NUP153: variants seen among roughly 807,000 people sequenced by gnomAD.
The protein encoded by NUP153 is nuclear pore complex protein Nup153.
In NUP153, 27 loss-of-function variants were observed where a neutral mutation model predicts 134.6. The ratio of observed to expected loss-of-function variants is 0.20; its 90% CI spans 0.15 to 0.28. NUP153 has a LOEUF of 0.28. Ranked by LOEUF, NUP153 falls within the 10% of genes least tolerant of loss-of-function variation. The pLI is 1.00. For missense variants in NUP153, 1,821 were observed against 1,731.3 expected, an observed-to-expected ratio of 1.05 and a Z score of -0.92; for synonymous variants, 640 against 623.5, an observed-to-expected ratio of 1.03 and a Z score of -0.40.
Position 17,675,840 on chromosome 6 carries a change from T to C in NUP153, c.335-70A>G, listed in dbSNP as rs766607341. The C allele has an allele frequency of 1.4e-6, 2 of 1,460,912 alleles. No homozygotes were observed. Among genetic ancestry groups the C allele is most frequent in the Non-Finnish European group, 1.9e-6 (2 of 1,043,828 alleles). The allele number at this position is 1,460,912 out of a possible 1,614,324, so 90.5% of individuals were successfully genotyped here. A position where few individuals can be genotyped will look rare whatever the true frequency, so the allele number is the denominator to read the frequency against. ...ATACACTACCACAAATGGTTTTTAC[T>C]TTAAGAAAACACATTACAGTATATA... On this transcript the variant is annotated intron_variant, in intron 2 of 21. Transcript: ENST00000262077. The surrounding 1 kb of genome is among the most constrained non-coding windows in gnomAD (Gnocchi z 4.4).
Position 17,624,773 on chromosome 6 carries a change from G to T in NUP153, c.3962C>A (p.Ala1321Asp), listed in dbSNP as rs373052717. ...TTGTCCAAATGTTGGGGTCTGGTTA[G>T]CACCAAATGCTGGACTGGCAGATGG... ...SAPSASPAFG[A>D]NQTPTFGQSQ... The change falls in exon 20 of 22, where the codon GCT becomes GAT. Residue 1321 changes from alanine to aspartate, a missense_variant. Transcript: ENST00000262077. 6 of 1,614,000 alleles carry T rather than the reference G, an allele frequency of 3.7e-6. No individual in the cohort carries two copies. The African/African-American group carries it at 8.0e-5, about 22-fold the overall frequency.
At chr6:17,630,229 T>C (rs1013538068) in intron 17 of NUP153, among the ~76,000 whole-genome samples, 16 of 152,054 alleles carry the variant, frequency 1.1e-4, no homozygotes, top group African/African-American at 3.1e-4. Flanking sequence ...AAAGAGACAA[T>C]GGAGAGAAGA....
At chr6:17,670,091 T>C (rs1338231563) in intron 5 of NUP153, among the ~76,000 whole-genome samples, 6 of 102,678 alleles carry the variant, frequency 5.8e-5, no homozygotes, top group African/African-American at 2.0e-4. Context: ...GCGAGACTCT[T>C]TCTCAAAAAA....
intron 20 of NUP153, among the ~76,000 whole-genome samples, chr6:17,623,090 A>G (rs1764732016): frequency 6.6e-6 from 1 of 151,390 alleles, no homozygotes; most frequent in South Asian, 2.1e-4. Context: ...AGATCAAGCC[A>G]CTGCACTCCA....
Position 17,624,737 on chromosome 6 carries a change from G to A in NUP153, c.3998C>T (p.Ala1333Val). The A allele has an allele frequency of 3.7e-6, 6 of 1,614,162 alleles. No homozygotes were observed. Among genetic ancestry groups the A allele is most frequent in the Non-Finnish European group, 5.1e-6 (6 of 1,180,018 alleles). Residue 1333 changes from alanine (A) to valine (V), a missense_variant, in exon 20 of 22, where the codon GCC (alanine) becomes GTC (valine). Ala to Val is a moderately conservative substitution (Grantham distance 64, BLOSUM62 0). Coordinates refer to ENST00000262077, the MANE Select transcript of NUP153 (RefSeq NM_005124.4). ...QTPTFGQSQGASQPNPPGFGS... is the reference protein window; with the variant it reads ...QTPTFGQSQGVSQPNPPGFGS... Reference sequence around the variant, plus strand: ...AAAGCCTGGGGGATTGGGCTGGCTGGCACCTTGACTTTGTCCAAATGTTGG... The same window carrying A: ...AAAGCCTGGGGGATTGGGCTGGCTGACACCTTGACTTTGTCCAAATGTTGG...
Position 17,628,594 on chromosome 6 carries a change from G to A in NUP153, c.3544+61C>T, listed in dbSNP as rs1581668117. Reference sequence around the variant, plus strand: ...CTTGCTGCATCTGTCAAGGCAACTTGTAAAACGACAACTTGTAAAAAAAAA... The same window carrying A: ...CTTGCTGCATCTGTCAAGGCAACTTATAAAACGACAACTTGTAAAAAAAAA... On this transcript the variant is annotated intron_variant, in intron 18 of 21. Coordinates refer to ENST00000262077, the MANE Select transcript of NUP153 (RefSeq NM_005124.4). The surrounding 1 kb of genome is among the most constrained non-coding windows in gnomAD (Gnocchi z 5.4). 1 of 969,186 alleles carries A rather than the reference G, an allele frequency of 1.0e-6. No homozygotes were observed. The allele number at this position is 969,186 out of a possible 1,614,324, so 60.0% of individuals were successfully genotyped here.
At chr6:17,634,979 TAA>T (rs11349044) in intron 16 of NUP153, among the ~76,000 whole-genome samples, 2,661 of 149,548 alleles carry the variant, frequency 0.018, 29 homozygotes, top group East Asian at 0.027. Flanking sequence ...AATTAAAAAA[TAA>T]AAAAAAAAAA....
intron 17 of NUP153, among the ~76,000 whole-genome samples, chr6:17,632,300 A>AAAACAAAC (rs570187630): frequency 6.7e-6 from 1 of 148,846 alleles, no homozygotes; most frequent in East Asian, 1.9e-4. Context: ...AACTGTCTCA[A>AAAACAAAC]AAACAAACAA....
At chr6:17,678,667 GAC>G (rs1561898561) in intron 2 of NUP153, among the ~76,000 whole-genome samples, 2 of 152,056 alleles carry the variant, frequency 1.3e-5, no homozygotes, top group East Asian at 1.9e-4. Context: ...GTCTTGGCTG[GAC>G]ACAGTGGCTC....
At chr6:17,684,712 AC>A (rs149189847) in intron 2 of NUP153, among the ~76,000 whole-genome samples, 351 of 152,284 alleles carry the variant, frequency 2.3e-3, no homozygotes, top group African/African-American at 8.2e-3. Flanking sequence ...TTACATACTT[AC>A]AGCTTTTGGA....
chr6:17,617,634 GGAGTTT>G (rs1317185787), intron 20 of NUP153, among the ~76,000 whole-genome samples: 1 of 152,078 alleles, frequency 6.6e-6, no homozygotes, highest in Admixed American at 6.5e-5. Context: ...CTTGAGCCCA[GGAGTTT>G]GAGAACAACC....
intron 2 of NUP153, among the ~76,000 whole-genome samples, chr6:17,687,859 A>C (rs1454795066): frequency 6.8e-4 from 103 of 152,204 alleles, no homozygotes; most frequent in Non-Finnish European, 2.9e-5. Flanking sequence ...TCACGCCTGT[A>C]ATCTCAGCAC....
chr6:17,704,727 A>C (rs1262676043), intron 1 of NUP153, among the ~76,000 whole-genome samples: 5 of 111,210 alleles, frequency 4.5e-5, no homozygotes, highest in Admixed American at 9.5e-5. Flanking sequence ...GAAAACTAGA[A>C]GACAAAAAAA....
intron 16 of NUP153, among the ~76,000 whole-genome samples, chr6:17,634,125 C>T (rs987860882): frequency 6.6e-6 from 1 of 152,102 alleles, no homozygotes; most frequent in African/African-American, 2.4e-5. Flanking sequence ...ATTACTCCCA[C>T]CACTAACCCA....
intron 1 of NUP153, among the ~76,000 whole-genome samples, chr6:17,692,574 A>T (rs1237022028): frequency 6.6e-6 from 1 of 152,140 alleles, no homozygotes; most frequent in Non-Finnish European, 1.5e-5. Context: ...AATAAAATGG[A>T]CCTGGAACCA....
intron 5 of NUP153, among the ~76,000 whole-genome samples, chr6:17,670,158 T>C: frequency 6.7e-6 from 1 of 149,264 alleles, no homozygotes; most frequent in Non-Finnish European, 1.5e-5. Flanking sequence ...AAAAGCTCTC[T>C]ACATACTTAC....
rs910654062 is a variant in NUP153, at chr6:17,672,212, A to G, written c.853-2666T>C. On this transcript the variant is annotated intron_variant, in intron 5 of 21. Coordinates refer to ENST00000262077, the MANE Select transcript of NUP153 (RefSeq NM_005124.4). ...CAGTGCAGTTGGCAAAAGGAAAGAC[A>G]CACAGATCAATGGGTGGGTCGGGGG... is the stretch of plus-strand genomic sequence containing the variant. Among the ~76,000 whole-genome samples, 7 of 147,124 alleles carry G rather than the reference A, an allele frequency of 4.8e-5. No individual in the cohort carries two copies. The South Asian group carries it at 9.2e-4, about 19-fold the overall frequency.
rs1268450767 is a variant in NUP153 at position 17,675,051 on chromosome 6, G to C, written c.724-18C>G. On this transcript the variant is annotated intron_variant, in intron 4 of 21. Coordinates refer to ENST00000262077, the MANE Select transcript of NUP153 (RefSeq NM_005124.4). The surrounding 1 kb of genome is among the most constrained non-coding windows in gnomAD (Gnocchi z 4.4). Reference sequence around the variant, plus strand: ...CCAAGTGACTGCACAGAAACAGAATGATAAATTATAAGCCATATGAACCCA... The same window carrying C: ...CCAAGTGACTGCACAGAAACAGAATCATAAATTATAAGCCATATGAACCCA... The C allele has an allele frequency of 6.2e-7, 1 of 1,611,788 alleles. No individual in the cohort carries two copies.
At chr6:17,647,256 T>C (rs1037511765) in intron 13 of NUP153, among the ~76,000 whole-genome samples, 1 of 152,228 alleles carries the variant, frequency 6.6e-6, no homozygotes, top group African/African-American at 2.4e-5. Flanking sequence ...CTACGTGTTA[T>C]TCTTACCCCA....
Sources: gnomAD v4.1 joint callset for allele counts (sites outside exome capture counted in the v4.1 genomes callset) on GRCh38, gnomAD v4.1.1 for gene constraint, Gnocchi (gnomAD v3.1) non-coding constraint, MANE v1.5 for transcripts, NCBI Gene and HGNC (gene_info 2026-07-23, HGNC 2026-07-21) for gene names.